The following SGPP1 variants were observed in gnomAD, a reference collection of about 807,000 sequenced individuals.
The protein encoded by SGPP1 is hSPP1.
SGPP1 carries 21 observed loss-of-function variants against 33.0 expected under a neutral mutation model. That is an observed-to-expected ratio of 0.64 (90% CI 0.45 to 0.92). The LOEUF is 0.92. Ranked by LOEUF, SGPP1 falls within the 40% of genes least tolerant of loss-of-function variation. The probability of loss-of-function intolerance (pLI) is 0.00; values close to 1 mark genes in which losing one functional copy is unlikely to be tolerated. For missense variants in SGPP1, 543 were observed against 589.4 expected, an observed-to-expected ratio of 0.92 and a Z score of 0.81; for synonymous variants, 239 against 241.2, an observed-to-expected ratio of 0.99 and a Z score of 0.08.
intron 2 of SGPP1, among the ~76,000 whole-genome samples, chr14:63,690,861 C>T (rs982062768): frequency 1.2e-4 from 18 of 152,052 alleles, no homozygotes; most frequent in African/African-American, 3.9e-4. Context: ...CAGGTGTGCG[C>T]CACCAACCAC....
chr14:63,690,211 A>C (rs1249232223), intron 2 of SGPP1, among the ~76,000 whole-genome samples: 1 of 152,078 alleles, frequency 6.6e-6, no homozygotes, highest in Non-Finnish European at 1.5e-5. Context: ...AGCTAGGCTA[A>C]GTTTTGTATT....
intron 1 of SGPP1, among the ~76,000 whole-genome samples, chr14:63,703,808 T>G (rs894185680): frequency 2.1e-5 from 3 of 145,496 alleles, no homozygotes; most frequent in Non-Finnish European, 4.5e-5. Flanking sequence ...AAGTTTTTTT[T>G]TTTTTTTTTT....
At chr14:63,727,193 C>T (rs1359352273) in intron 1 of SGPP1, 68 bp downstream of exon 1, 36 of 1,497,064 alleles carry the variant, frequency 2.4e-5, no homozygotes, top group Non-Finnish European at 4.4e-6. Context: ...AAAATAAATG[C>T]AGAGAGCAAA....
At chr14:63,715,874 T>C (rs915609778) in intron 1 of SGPP1, among the ~76,000 whole-genome samples, 3 of 152,146 alleles carry the variant, frequency 2.0e-5, no homozygotes, top group Non-Finnish European at 4.4e-5. Context: ...TCATATAAGC[T>C]TGCAATTGCT....
At chr14:63,708,623 C>G (rs930558957) in intron 1 of SGPP1, among the ~76,000 whole-genome samples, 4 of 152,052 alleles carry the variant, frequency 2.6e-5, no homozygotes, top group Non-Finnish European at 4.4e-5. Flanking sequence ...AAATTCAATT[C>G]TAGGCAGACA....
intron 2 of SGPP1, among the ~76,000 whole-genome samples, chr14:63,694,218 G>A (rs1436134526): frequency 6.6e-6 from 1 of 151,632 alleles, no homozygotes; most frequent in African/African-American, 2.4e-5. Flanking sequence ...AGGTTGCAGT[G>A]AGCAGAGATT....
At chr14:63,686,826 GTATTAA>G (rs1884991526) in intron 2 of SGPP1, among the ~76,000 whole-genome samples, 170 bp from the exon 3 acceptor site, 1 of 152,060 alleles carries the variant, frequency 6.6e-6, no homozygotes, top group Admixed American at 6.6e-5. Flanking sequence ...ACTAAAAGCT[GTATTAA>G]TAATAAAAGG....
At chr14:63,693,689 T>C (rs1416682450) in intron 2 of SGPP1, among the ~76,000 whole-genome samples, 1 of 152,102 alleles carries the variant, frequency 6.6e-6, no homozygotes, top group Non-Finnish European at 1.5e-5. Context: ...TCACAGCTTA[T>C]TGCAGCCTCA....
At chr14:63,707,384 T>A (rs1032322024) in intron 1 of SGPP1, among the ~76,000 whole-genome samples, 5 of 152,130 alleles carry the variant, frequency 3.3e-5, no homozygotes, top group Non-Finnish European at 2.9e-5. Flanking sequence ...AGAGTAGGGC[T>A]ACATGTTATA....
chr14:63,712,617 CAT>C (rs942762263), intron 1 of SGPP1, among the ~76,000 whole-genome samples: 1 of 152,200 alleles, frequency 6.6e-6, no homozygotes, highest in Non-Finnish European at 1.5e-5. Context: ...GTGAGGCAGA[CAT>C]GTGCGTATGA....
At chr14:63,725,594 T>TACTAGGTTGTTTAA (rs1188500975) in intron 1 of SGPP1, among the ~76,000 whole-genome samples, 1 of 152,220 alleles carries the variant, frequency 6.6e-6, no homozygotes, top group Admixed American at 6.5e-5. Flanking sequence ...GAGTTAAATA[T>TACTAGGTTGTTTAA]ACTAGGTTGT....
At chr14:63,686,793 T>C (rs1884990309) in intron 2 of SGPP1, 137 bp from the exon 3 acceptor site, 1 of 620,742 alleles carries the variant, frequency 1.6e-6, no homozygotes, top group African/African-American at 1.8e-5. Flanking sequence ...AAGTAAACTT[T>C]ATTAACTGAC....
At position 63,727,387 on chromosome 14, in the gene SGPP1, G is replaced by C. The variant is rs200260508; in HGVS notation, c.558C>G (p.Pro186=). ...CCAACTTGACCACGGGCGGCGAGGC[G>C]GGCCTCGGCCAGCGGATGATGTCCT... is the stretch of plus-strand genomic sequence containing the variant. ...CTKDIIRWPR[P]ASPPVVKLEV... is the part of the protein sequence containing the mutation. The change falls in exon 1 of 3, where the codon CCC becomes CCG. Residue 186 remains proline, a synonymous_variant. Coordinates refer to ENST00000247225, the MANE Select transcript of SGPP1 (RefSeq NM_030791.4). 2.5e-6 allele frequency: 4 copies of C among 1,613,902 alleles called. No homozygotes were observed. The highest frequency in any genetic ancestry group is 4.5e-5 in the East Asian group (2 of 44,860).
chr14:63,721,561 CTG>C (rs968229781), intron 1 of SGPP1, among the ~76,000 whole-genome samples: 3 of 152,140 alleles, frequency 2.0e-5, no homozygotes, highest in African/African-American at 7.2e-5. Context: ...TTTTAATAAA[CTG>C]TGTTTCTTTC....
At chr14:63,697,428 T>A (rs962192859) in intron 2 of SGPP1, among the ~76,000 whole-genome samples, 1 of 152,192 alleles carries the variant, frequency 6.6e-6, no homozygotes, top group Non-Finnish European at 1.5e-5. Context: ...CATGACCCAT[T>A]AGAAACTAGA....
chr14:63,720,103 C>T (rs146208749), intron 1 of SGPP1, among the ~76,000 whole-genome samples: 180 of 138,034 alleles, frequency 1.3e-3, no homozygotes, highest in African/African-American at 4.7e-3. Flanking sequence ...TCCAGCCGGG[C>T]GACAGAGGGA....
rs181247169 is a variant in SGPP1 at position 63,719,543 on chromosome 14, T to C, written c.684+7718A>G. On this transcript the variant is annotated intron_variant, in intron 1 of 2. Transcript: ENST00000247225. ...GTAAACAGTCACTGTGTCATTACAC[T>C]AGCAAACAATTGGAAAACTAAAGGT... Among the ~76,000 whole-genome samples the C allele has an allele frequency of 1.9e-3, 289 of 152,098 alleles. 1 individual carries two copies. The highest frequency in any genetic ancestry group is 6.3e-3 in the African/African-American group (261 of 41,512).
chr14:63,727,663 C>T lies in SGPP1; in HGVS notation c.282G>A (p.Ala94=), dbSNP rs1885917019. The change falls in exon 1 of 3, where the codon GCG becomes GCA. Residue 94 remains alanine, a synonymous_variant. Coordinates refer to ENST00000247225, the MANE Select transcript of SGPP1 (RefSeq NM_030791.4). ...GAPNGVRNGL[A]AELGPASPRR... The stretch of plus-strand genomic sequence containing the variant: ...GCGGCGAGGCCGGGCCCAGCTCGGC[C>T]GCCAGCCCGTTCCGCACGCCGTTGG... 2.2e-6 allele frequency: 3 copies of T among 1,340,658 alleles called. No individual in the cohort carries two copies. The highest frequency in any genetic ancestry group is 1.5e-5 in the African/African-American group (1 of 64,642). 83.0% of individuals were successfully genotyped at this position (1,340,658 alleles called of 1,614,324 possible). A position where few individuals can be genotyped will look rare whatever the true frequency, so the allele number is the denominator to read the frequency against.
intron 1 of SGPP1, among the ~76,000 whole-genome samples, chr14:63,709,099 G>A (rs1029415083): frequency 2.0e-5 from 3 of 152,142 alleles, no homozygotes; most frequent in African/African-American, 7.2e-5. Context: ...TTCTGGCTGG[G>A]CGTGGTGGGT....
Sources: gnomAD v4.1 joint callset for allele counts (sites outside exome capture counted in the v4.1 genomes callset) on GRCh38, gnomAD v4.1.1 for gene constraint, MANE v1.5 for transcripts, NCBI Gene and HGNC (gene_info 2026-07-23, HGNC 2026-07-21) for gene names.